The following ACBD6 variants were observed in gnomAD, a reference collection of about 807,000 sequenced individuals.
The protein encoded by ACBD6 is acyl-CoA-binding domain-containing protein 6.
In ACBD6, 28 loss-of-function variants were observed where a neutral mutation model predicts 37.2. The observed-to-expected ratio is 0.75, with a 90% CI of 0.56 to 1.03. The LOEUF is 1.03. Ranked by LOEUF, ACBD6 falls within the 50% of genes least tolerant of loss-of-function variation. The pLI, the probability that ACBD6 is intolerant of heterozygous loss-of-function variation, is 0.00. For missense variants in ACBD6, 340 were observed against 337.4 expected, an observed-to-expected ratio of 1.01 and a Z score of -0.06; for synonymous variants, 113 against 126.8, an observed-to-expected ratio of 0.89 and a Z score of 0.73.
rs183634262 is a variant in ACBD6, at chr1:180,458,710, T to C, written c.385-28448A>G. Among the ~76,000 whole-genome samples, 425 of 152,288 alleles carry C rather than the reference T, an allele frequency of 2.8e-3. 2 individuals are homozygous for C. The highest frequency in any genetic ancestry group is 5.6e-3 in the Admixed American group (86 of 15,300). ...ATAGTTGAGGGGCAATGAAAAGTTA[T>C]ATCAAATGGCAATCAAATTTACAGT... On this transcript the variant is annotated intron_variant, in intron 3 of 7. Coordinates refer to ENST00000367595, the MANE Select transcript of ACBD6 (RefSeq NM_032360.4).
intron 2 of ACBD6, 103 bp downstream of exon 2, chr1:180,495,358 A>G (rs924554676): frequency 3.7e-6 from 3 of 801,350 alleles, no homozygotes; most frequent in East Asian, 2.6e-5. Flanking sequence ...GCAGAGAGAG[A>G]GATTAATATA....
At chr1:180,489,838 T>C (rs180790825) in intron 3 of ACBD6, among the ~76,000 whole-genome samples, 235 of 152,196 alleles carry the variant, frequency 1.5e-3, no homozygotes, top group African/African-American at 5.4e-3. Context: ...TGCATTTTTT[T>C]AGTAGAGACG....
At chr1:180,355,176 T>C (rs73048326) in intron 6 of ACBD6, among the ~76,000 whole-genome samples, 5,069 of 152,290 alleles carry the variant, frequency 0.033, 245 homozygotes, top group African/African-American at 0.091. Flanking sequence ...TACTAAGTTA[T>C]CTCATTTCAC....
At chr1:180,475,899 T>C (rs1009216021) in intron 3 of ACBD6, among the ~76,000 whole-genome samples, 6 of 152,206 alleles carry the variant, frequency 3.9e-5, no homozygotes, top group African/African-American at 1.2e-4. Flanking sequence ...TGGGGCACTT[T>C]TCATTTTCCC....
intron 4 of ACBD6, among the ~76,000 whole-genome samples, chr1:180,419,019 A>AG (rs1648233262): frequency 6.6e-6 from 1 of 152,246 alleles, no homozygotes; most frequent in Non-Finnish European, 1.5e-5. Flanking sequence ...CGGGAGGCCG[A>AG]GGCGGGTGGA....
At position 180,304,313 on chromosome 1, in the gene ACBD6, A is replaced by C. The variant is rs1459626684; in HGVS notation, c.694+10379T>G. Among the ~76,000 whole-genome samples the C allele has an allele frequency of 2.7e-5, 4 of 150,854 alleles. No individual in the cohort carries two copies. The East Asian group carries it at 5.8e-4, about 22-fold the overall frequency. On this transcript the variant is annotated intron_variant, in intron 7 of 7. Coordinates refer to ENST00000367595, the MANE Select transcript of ACBD6 (RefSeq NM_032360.4). ...ATTCAATTAGGAAAAGAGGAAGTCA[A>C]ATTGTCCCTGTTTGCAGATGACATG...
intron 1 of ACBD6, among the ~76,000 whole-genome samples, chr1:180,501,543 C>A (rs771240530): frequency 3.9e-5 from 6 of 152,164 alleles, no homozygotes; most frequent in Non-Finnish European, 8.8e-5. Flanking sequence ...GTCTCCAACT[C>A]CCGACCTCAG....
At chr1:180,422,211 C>CTTTT (rs112259081) in intron 4 of ACBD6, among the ~76,000 whole-genome samples, 5 of 144,690 alleles carry the variant, frequency 3.5e-5, no homozygotes, top group Non-Finnish European at 7.6e-5. Context: ...TTTCTTTTTT[C>CTTTT]TTTTTTTTTT....
downstream of ACBD6, among the ~76,000 whole-genome samples, chr1:180,284,319 G>A (rs1378099613): frequency 2.6e-5 from 4 of 151,430 alleles, no homozygotes; most frequent in Non-Finnish European, 4.4e-5. Flanking sequence ...AATAATAATC[G>A]TAACAACTTT....
chr1:180,326,958 C>T (rs776553568), intron 6 of ACBD6, among the ~76,000 whole-genome samples: 4 of 152,094 alleles, frequency 2.6e-5, no homozygotes, highest in Non-Finnish European at 5.9e-5. Context: ...TCTTTGCTCT[C>T]CTCTTCTCAA....
At chr1:180,319,570 C>T (rs187050651) in intron 6 of ACBD6, among the ~76,000 whole-genome samples, 39 of 152,286 alleles carry the variant, frequency 2.6e-4, no homozygotes, top group African/African-American at 8.9e-4. Context: ...CATAGTCACC[C>T]TGTTATGCTA....
intron 6 of ACBD6, among the ~76,000 whole-genome samples, chr1:180,327,917 T>C (rs1457779306): frequency 1.3e-5 from 2 of 152,238 alleles, no homozygotes; most frequent in Non-Finnish European, 2.9e-5. Flanking sequence ...TTCTTTCTTA[T>C]TTTTGATCAT....
At chr1:180,474,755 A>C (rs368723297) in intron 3 of ACBD6, among the ~76,000 whole-genome samples, 2 of 152,236 alleles carry the variant, frequency 1.3e-5, no homozygotes, top group East Asian at 1.9e-4. Context: ...ATATAATTTC[A>C]CCTACTTTTG....
intron 6 of ACBD6, among the ~76,000 whole-genome samples, chr1:180,322,770 G>T (rs2149295698): frequency 6.7e-6 from 1 of 149,720 alleles, no homozygotes; most frequent in African/African-American, 2.4e-5. Flanking sequence ...GCTAAAAGTT[G>T]GTCAATTTTA....
intron 7 of ACBD6, among the ~76,000 whole-genome samples, chr1:180,288,991 T>A (rs1260719121): frequency 6.6e-6 from 1 of 151,332 alleles, no homozygotes; most frequent in Non-Finnish European, 1.5e-5. Context: ...TTGTAAATTT[T>A]TTAAAAAAAA....
chr1:180,490,237 G>A (rs1425200581), intron 3 of ACBD6, among the ~76,000 whole-genome samples: 1 of 152,188 alleles, frequency 6.6e-6, no homozygotes, highest in Admixed American at 6.5e-5. Flanking sequence ...CACCTGTTTT[G>A]AGCACTGATT....
intron 7 of ACBD6, among the ~76,000 whole-genome samples, chr1:180,312,950 G>C (rs1192209376): frequency 6.6e-6 from 1 of 152,142 alleles, no homozygotes; most frequent in East Asian, 1.9e-4. Flanking sequence ...CTTACGAGCA[G>C]GCTTAATTAA....
intron 2 of ACBD6, among the ~76,000 whole-genome samples, chr1:180,493,224 G>A (rs866666422): frequency 9.0e-6 from 1 of 110,810 alleles, no homozygotes; most frequent in Non-Finnish European, 1.7e-5. Context: ...CTCCAGCCTG[G>A]GCAACAGAGC....
intron 3 of ACBD6, among the ~76,000 whole-genome samples, chr1:180,469,800 G>A (rs1317340188): frequency 6.6e-6 from 1 of 151,956 alleles, no homozygotes; most frequent in African/African-American, 2.4e-5. Flanking sequence ...ATTGCATCCC[G>A]TTTATTTTTT....
Sources: gnomAD v4.1 joint callset for allele counts (sites outside exome capture counted in the v4.1 genomes callset) on GRCh38, gnomAD v4.1.1 for gene constraint, MANE v1.5 for transcripts, NCBI Gene and HGNC (gene_info 2026-07-23, HGNC 2026-07-21) for gene names.